CEP63: variants seen among roughly 807,000 people sequenced by gnomAD.
The protein encoded by CEP63 is centrosomal protein of 63 kDa.
A neutral mutation model predicts 89.1 loss-of-function variants in CEP63; 84 were observed. The ratio of observed to expected loss-of-function variants is 0.94; its 90% CI spans 0.79 to 1.13. The LOEUF (loss-of-function observed/expected upper bound fraction) is 1.13, where lower values mean the gene tolerates loss of function less well. Ranked by LOEUF, CEP63 falls within the 50% of genes most tolerant of loss-of-function variation. The pLI is 0.00. For missense variants in CEP63, 838 were observed against 813.3 expected, an observed-to-expected ratio of 1.03 and a Z score of -0.37; for synonymous variants, 267 against 272.5, an observed-to-expected ratio of 0.98 and a Z score of 0.20.
chr3:134,551,754 T>C (rs965705062), intron 11 of CEP63, among the ~76,000 whole-genome samples, 172 bp from the exon 12 acceptor site: 4,543 of 21,672 alleles, frequency 0.21, 111 homozygotes, highest in African/African-American at 0.29. Flanking sequence ...TATATATATA[T>C]ACACACACAC....
the CEP63 span, among the ~76,000 whole-genome samples, chr3:134,760,612 T>C: frequency 9.9e-5 from 15 of 152,182 alleles, no homozygotes; most frequent in Non-Finnish European, 1.6e-4. Context: ...CCAGTGATGG[T>C]GTTAATGCAC....
the CEP63 span, among the ~76,000 whole-genome samples, chr3:134,707,608 C>A: frequency 0.011 from 1,646 of 152,256 alleles, 29 homozygotes; most frequent in African/African-American, 0.038. Context: ...GTAGAGTTTG[C>A]AACAGCTGTT....
At chr3:134,679,589 C>T in the CEP63 span, among the ~76,000 whole-genome samples, 1 of 152,106 alleles carries the variant, frequency 6.6e-6, no homozygotes, top group Non-Finnish European at 1.5e-5. Flanking sequence ...CTTGTATCTC[C>T]CTGCAATTTC....
the CEP63 span, among the ~76,000 whole-genome samples, chr3:134,682,950 G>A: frequency 6.6e-6 from 1 of 152,172 alleles, no homozygotes; most frequent in African/African-American, 2.4e-5. Flanking sequence ...GCGTTTAGTA[G>A]GGACCCTAGA....
the CEP63 span, among the ~76,000 whole-genome samples, chr3:134,743,267 T>C: frequency 6.6e-6 from 1 of 152,218 alleles, no homozygotes. Context: ...TCTGTCTCAC[T>C]GGACTCATGC....
Position 134,510,469 on chromosome 3 carries a change from G to A in CEP63, c.222+3183G>A, listed in dbSNP as rs1559902360. The A allele has an allele frequency of 2.0e-5, 6 of 296,202 alleles. No homozygotes were observed. The East Asian group carries it at 4.7e-4, about 23-fold the overall frequency. 18.3% of individuals were successfully genotyped at this position (296,202 alleles called of 1,614,324 possible). ...CTATCAGCAACACCACCATGGAATCGACTGTTGAGCCTTTCTACTATTAAT... is the reference window on the plus strand; with the variant it reads ...CTATCAGCAACACCACCATGGAATCAACTGTTGAGCCTTTCTACTATTAAT... On this transcript the variant is annotated intron_variant, in intron 3 of 14. Transcript: ENST00000675561.
chr3:134,508,819 C>G (rs998871871), intron 3 of CEP63, among the ~76,000 whole-genome samples: 1 of 152,064 alleles, frequency 6.6e-6, no homozygotes, highest in Non-Finnish European at 1.5e-5. Flanking sequence ...TTTAGAATTG[C>G]AGCTCTCTGG....
At chr3:134,777,792 T>G in the CEP63 span, among the ~76,000 whole-genome samples, 1 of 151,980 alleles carries the variant, frequency 6.6e-6, no homozygotes, top group South Asian at 2.1e-4. Context: ...TTTTGAATTT[T>G]TTTAGTAGAG....
At chr3:134,741,428 T>A in the CEP63 span, among the ~76,000 whole-genome samples, 2 of 152,166 alleles carry the variant, frequency 1.3e-5, no homozygotes, top group Non-Finnish European at 2.9e-5. Context: ...TACTTGGTCG[T>A]GTCCTCCCCC....
At chr3:134,651,124 G>T in the CEP63 span, 1 of 1,495,144 alleles carries the variant, frequency 6.7e-7, no homozygotes, top group Non-Finnish European at 8.9e-7. Flanking sequence ...CGCTGACTCT[G>T]CCAAACACGC....
chr3:134,660,886 A>T, the CEP63 span, among the ~76,000 whole-genome samples: 1 of 152,114 alleles, frequency 6.6e-6, no homozygotes, highest in Non-Finnish European at 1.5e-5. Context: ...GTGGGCTAGG[A>T]AGGGGCAAGT....
chr3:134,758,465 C>G, the CEP63 span, among the ~76,000 whole-genome samples: 1 of 152,158 alleles, frequency 6.6e-6, no homozygotes, highest in Non-Finnish European at 1.5e-5. Context: ...AACATTTGCT[C>G]TCTCACTGTT....
At chr3:134,578,048 G>A (rs1431856282), downstream of CEP63, among the ~76,000 whole-genome samples, 1 of 152,142 alleles carries the variant, frequency 6.6e-6, no homozygotes, top group Non-Finnish European at 1.5e-5. Context: ...TTGGTTCCAT[G>A]TCTTTGCTAT....
chr3:134,697,867 G>A, the CEP63 span, among the ~76,000 whole-genome samples: 1 of 152,210 alleles, frequency 6.6e-6, no homozygotes. Flanking sequence ...GGAAAATCAA[G>A]GAGTATGAAA....
chr3:134,683,657 G>A, the CEP63 span, among the ~76,000 whole-genome samples: 1 of 151,968 alleles, frequency 6.6e-6, no homozygotes, highest in South Asian at 2.1e-4. Flanking sequence ...CAGACATGGG[G>A]TTTGAATGAT....
the CEP63 span, among the ~76,000 whole-genome samples, chr3:134,766,208 T>A: frequency 6.6e-6 from 1 of 152,170 alleles, no homozygotes; most frequent in Non-Finnish European, 1.5e-5. Flanking sequence ...AGGATCTACC[T>A]CTCCCCGCAG....
chr3:134,555,854 C>G (rs1360630970), intron 12 of CEP63, among the ~76,000 whole-genome samples: 2 of 152,104 alleles, frequency 1.3e-5, no homozygotes, highest in African/African-American at 4.8e-5. Context: ...GGAGGCATCA[C>G]CCTACTTGAC....
chr3:134,734,092 TACTC>T, the CEP63 span, among the ~76,000 whole-genome samples: 2 of 152,242 alleles, frequency 1.3e-5, no homozygotes, highest in African/African-American at 4.8e-5. Flanking sequence ...TGTTTATACA[TACTC>T]ACTCTAAGGC....
At chr3:134,618,371 G>A in the CEP63 span, among the ~76,000 whole-genome samples, 1 of 152,166 alleles carries the variant, frequency 6.6e-6, no homozygotes, top group African/African-American at 2.4e-5. Flanking sequence ...TGCCTAAGAA[G>A]ACTCACTCCC....
Sources: gnomAD v4.1 joint callset for allele counts (sites outside exome capture counted in the v4.1 genomes callset) on GRCh38, gnomAD v4.1.1 for gene constraint, MANE v1.5 for transcripts, NCBI Gene and HGNC (gene_info 2026-07-23, HGNC 2026-07-21) for gene names.